The following SYT1 variants were observed in gnomAD, a reference collection of about 807,000 sequenced individuals.
SYT1 encodes synaptotagmin-1.
Under a neutral mutation model 44.8 loss-of-function variants are expected in SYT1, and 8 were observed. That is an observed-to-expected ratio of 0.18 (90% CI 0.10 to 0.32). The LOEUF (loss-of-function observed/expected upper bound fraction) is 0.32. Ranked by LOEUF, SYT1 falls within the 10% of genes least tolerant of loss-of-function variation. The pLI is 1.00. For missense variants in SYT1, 286 were observed against 509.3 expected (o/e 0.56, Z 4.22); for synonymous variants, 154 against 188.8 (o/e 0.82, Z 1.51).
chr12:79,287,325 C>T lies in SYT1; in HGVS notation c.351+1354C>T, dbSNP rs778990429. On this transcript the variant is annotated intron_variant, in intron 5 of 10. Transcript: ENST00000261205. ...ACAGTCACAAAAGCCAATGCATAAA[C>T]GTTCAACTACAGGTGTCTAATAAAG... Among the ~76,000 whole-genome samples, 3 of 152,092 alleles carry T rather than the reference C, an allele frequency of 2.0e-5. 1 individual carries two copies. Among genetic ancestry groups the T allele is most frequent in the South Asian group, 4.1e-4 (2 of 4,834 alleles).
intron 9 of SYT1, among the ~76,000 whole-genome samples, chr12:79,413,334 G>T (rs1302509119): frequency 6.6e-6 from 1 of 152,188 alleles, no homozygotes; most frequent in East Asian, 1.9e-4. Flanking sequence ...TCTCTGTAGA[G>T]TGGCAAGTGA....
At chr12:79,290,624 T>G (rs1446294161) in intron 5 of SYT1, among the ~76,000 whole-genome samples, 1 of 152,194 alleles carries the variant, frequency 6.6e-6, no homozygotes, top group Non-Finnish European at 1.5e-5. Context: ...TATAAAACAG[T>G]CTACCACTGG....
intron 2 of SYT1, chr12:79,045,850 A>G (rs1342076391): frequency 1.3e-5 from 2 of 152,188 alleles, no homozygotes; most frequent in African/African-American, 4.8e-5. Flanking sequence ...TACAATGTAT[A>G]TAGTGTCAAC....
chr12:79,198,647 T>A (rs1313069165), intron 3 of SYT1, among the ~76,000 whole-genome samples: 3 of 152,158 alleles, frequency 2.0e-5, no homozygotes, highest in Non-Finnish European at 4.4e-5. Context: ...AACATTACTT[T>A]TATATGAGCT....
intron 1 of SYT1, among the ~76,000 whole-genome samples, chr12:78,876,396 T>C (rs1478401329): frequency 1.3e-5 from 2 of 150,676 alleles, no homozygotes; most frequent in Non-Finnish European, 3.0e-5. Flanking sequence ...ATGTTCCTCT[T>C]TTATTTTCTG....
intron 9 of SYT1, among the ~76,000 whole-genome samples, chr12:79,416,690 T>A (rs1300219813): frequency 1.3e-5 from 2 of 152,202 alleles, no homozygotes; most frequent in Admixed American, 1.3e-4. Flanking sequence ...TAAGTCTAAT[T>A]TTTTTGCTAA....
intron 8 of SYT1, among the ~76,000 whole-genome samples, chr12:79,329,224 G>A (rs748363074): frequency 4.6e-5 from 7 of 152,130 alleles, no homozygotes; most frequent in Non-Finnish European, 8.8e-5. Flanking sequence ...GAGAGCCTTG[G>A]AAAGGGCCCA....
At chr12:79,196,849 AT>A (rs1380539410) in intron 3 of SYT1, among the ~76,000 whole-genome samples, 7 of 152,242 alleles carry the variant, frequency 4.6e-5, no homozygotes, top group Admixed American at 3.9e-4. Flanking sequence ...TATTAAGAGC[AT>A]TAAAGATCAG....
chr12:78,959,224 T>C (rs1243656289), intron 1 of SYT1, among the ~76,000 whole-genome samples: 1 of 152,146 alleles, frequency 6.6e-6, no homozygotes, highest in Non-Finnish European at 1.5e-5. Flanking sequence ...AGCATGTATA[T>C]ACGTAATTTA....
chr12:79,075,670 C>T (rs1230684326), intron 3 of SYT1, among the ~76,000 whole-genome samples: 1 of 152,136 alleles, frequency 6.6e-6, no homozygotes, highest in Non-Finnish European at 1.5e-5. Flanking sequence ...AGGTCACCTA[C>T]ACCTCTGCAG....
intron 2 of SYT1, among the ~76,000 whole-genome samples, chr12:79,028,441 G>GT (rs998157652): frequency 2.0e-5 from 3 of 151,326 alleles, no homozygotes; most frequent in South Asian, 2.1e-4. Context: ...GCTATTCAAA[G>GT]TTTTTTCTGT....
intron 3 of SYT1, among the ~76,000 whole-genome samples, chr12:79,215,490 C>T (rs1221556494): frequency 1.3e-5 from 2 of 152,114 alleles, no homozygotes; most frequent in African/African-American, 4.8e-5. Flanking sequence ...CAATTCTACC[C>T]TTTAGGATTA....
intron 8 of SYT1, among the ~76,000 whole-genome samples, chr12:79,308,618 AAGAAAGAAAGAAAG>A (rs1565901533): frequency 7.9e-5 from 2 of 25,372 alleles, no homozygotes; most frequent in East Asian, 5.6e-4. Flanking sequence ...AAGAAAAAGA[AAGAAAGAAAGAAAG>A]AAAGAAAGAA....
chr12:79,121,728 T>C (rs182333397), intron 3 of SYT1, among the ~76,000 whole-genome samples: 54 of 152,350 alleles, frequency 3.5e-4, no homozygotes, highest in African/African-American at 1.1e-3. Flanking sequence ...ATTTTCTTAT[T>C]AGATGCTTTC....
intron 1 of SYT1, among the ~76,000 whole-genome samples, chr12:78,885,915 C>T (rs1320057343): frequency 6.6e-6 from 1 of 151,956 alleles, no homozygotes; most frequent in East Asian, 1.9e-4. Flanking sequence ...ATGATGGAAG[C>T]AAAATACATA....
At chr12:79,359,608 A>G (rs1883242011) in intron 9 of SYT1, among the ~76,000 whole-genome samples, 1 of 152,170 alleles carries the variant, frequency 6.6e-6, no homozygotes. Flanking sequence ...TGAAGGAGTC[A>G]CCATCACTAT....
intron 1 of SYT1, among the ~76,000 whole-genome samples, chr12:78,964,837 T>C (rs1156314977): frequency 6.6e-6 from 1 of 152,100 alleles, no homozygotes; most frequent in Non-Finnish European, 1.5e-5. Context: ...TCTTCTCCTC[T>C]TAGAAGAGCA....
At chr12:78,980,698 G>T (rs1380772795) in intron 2 of SYT1, among the ~76,000 whole-genome samples, 1 of 152,056 alleles carries the variant, frequency 6.6e-6, no homozygotes, top group Non-Finnish European at 1.5e-5. Context: ...TATAAAACTA[G>T]AAATTGAAGG....
chr12:79,141,412 C>T (rs1018633538), intron 3 of SYT1, among the ~76,000 whole-genome samples: 1 of 152,032 alleles, frequency 6.6e-6, no homozygotes, highest in Non-Finnish European at 1.5e-5. Flanking sequence ...TATTTAGGCA[C>T]ATAATATATA....
Sources: gnomAD v4.1 joint callset for allele counts (sites outside exome capture counted in the v4.1 genomes callset) on GRCh38, gnomAD v4.1.1 for gene constraint, MANE v1.5 for transcripts, NCBI Gene and HGNC (gene_info 2026-07-23, HGNC 2026-07-21) for gene names.